CA12: variants seen among roughly 807,000 people sequenced by gnomAD.
CA12 encodes carbonate dehydratase XII.
CA12 carries 36 observed loss-of-function variants against 46.8 expected under a neutral mutation model. The ratio of observed to expected loss-of-function variants is 0.77; its 90% CI spans 0.59 to 1.02. The LOEUF (loss-of-function observed/expected upper bound fraction) is 1.02. CA12 is among the 50% of genes least tolerant of loss of function. The pLI is 0.00. For missense variants in CA12, 436 were observed against 451.4 expected (o/e 0.97, Z 0.31); for synonymous variants, 202 against 187.0 (o/e 1.08, Z -0.65).
At position 63,329,881 on chromosome 15, in the gene CA12, G is replaced by A. The variant is rs2038913112; in HGVS notation, c.875-1751C>T. The stretch of plus-strand genomic sequence containing the variant: ...CTAGCTGATTCCCCAGGAGCCATCA[G>A]CCGTGTGCTTTTCCGATTGTCTTTT... On this transcript the variant is annotated intron_variant, in intron 8 of 10. Coordinates refer to ENST00000178638, the MANE Select transcript of CA12 (RefSeq NM_001218.5). The surrounding 1 kb of genome is among the most constrained non-coding windows in gnomAD (Gnocchi z 4.8). Among the ~76,000 whole-genome samples the A allele has an allele frequency of 6.6e-6, 1 of 152,230 alleles. No homozygotes were observed. The highest frequency in any genetic ancestry group is 2.4e-5 in the African/African-American group (1 of 41,456).
chr15:63,340,419 T>C lies in CA12; in HGVS notation c.616A>G (p.Asn206Asp), dbSNP rs2039062956. Residue 206 changes from asparagine (N) to aspartate (D), a missense_variant, in exon 7 of 11, where the codon AAC becomes GAC. By Grantham distance (23) the Asn-to-Asp change is conservative. Coordinates refer to ENST00000178638, the MANE Select transcript of CA12 (RefSeq NM_001218.5). This position sits in a 1 kb window ranked among gnomAD's most constrained non-coding sequence, Gnocchi z 4.4. Reference sequence around the variant, plus strand: ...CTCTCCGGAAGCAGCTCTTCAATGTTGAATCCCGGGACGAATGCTTCCTGG... The same window carrying C: ...CTCTCCGGAAGCAGCTCTTCAATGTCGAATCCCGGGACGAATGCTTCCTGG... The part of the protein sequence containing the change: ...KGQEAFVPGF[N>D]IEELLPERTA... The C allele has an allele frequency of 1.2e-6, 2 of 1,614,020 alleles. No individual in the cohort carries two copies. Among genetic ancestry groups the C allele is most frequent in the African/African-American group, 2.7e-5 (2 of 74,888 alleles).
rs1043256 is a variant in CA12 at position 63,324,280 on chromosome 15, C to G, written c.*2005G>C. On this transcript the variant is annotated 3_prime_UTR_variant, in exon 11 of 11. Coordinates refer to ENST00000178638, the MANE Select transcript of CA12 (RefSeq NM_001218.5). Reference sequence around the variant, plus strand: ...CCCAGTAAGTCTCCCTTTTCATGAACAGCCCTTGTGCCAGGTACAATGGTC... The same window carrying G: ...CCCAGTAAGTCTCCCTTTTCATGAAGAGCCCTTGTGCCAGGTACAATGGTC... 0.41 allele frequency: 62,305 copies of G among 152,168 alleles called. 13,755 individuals carry two copies. Among genetic ancestry groups the G allele is most frequent in the Non-Finnish European group, 0.51 (34,509 of 68,030 alleles). 9.4% of individuals were successfully genotyped at this position (152,168 alleles called of 1,614,324 possible). A position where few individuals can be genotyped will look rare whatever the true frequency, so the allele number is the denominator to read the frequency against.
chr15:63,358,332 A>C (rs1390806043), intron 2 of CA12, among the ~76,000 whole-genome samples: 1 of 152,216 alleles, frequency 6.6e-6, no homozygotes, highest in Non-Finnish European at 1.5e-5. Flanking sequence ...CTTGAGTGAA[A>C]AGAGAAAACT....
chr15:63,364,222 T>C (rs1445061932), intron 2 of CA12, among the ~76,000 whole-genome samples: 1 of 148,028 alleles, frequency 6.8e-6, no homozygotes, highest in Non-Finnish European at 1.5e-5. Context: ...CTAGGTGCGA[T>C]GGCTCACAAT....
Position 63,340,860 on chromosome 15 carries a change from G to A in CA12, c.526-77C>T, listed in dbSNP as rs959035314. 1.6e-6 allele frequency: 2 copies of A among 1,289,852 alleles called. No homozygotes were observed. The highest frequency in any genetic ancestry group is 2.3e-6 in the Non-Finnish European group (2 of 887,644). The allele number at this position is 1,289,852 out of a possible 1,614,324, so 79.9% of individuals were successfully genotyped here. On this transcript the variant is annotated intron_variant, in intron 5 of 10. Coordinates refer to ENST00000178638, the MANE Select transcript of CA12 (RefSeq NM_001218.5). This position sits in a 1 kb window ranked among gnomAD's most constrained non-coding sequence, Gnocchi z 4.4. ...CCAGGATTGACGATTGCTATCAGAA[G>A]GGCAAAGCTGTGGGTATGTTGCCAC...
chr15:63,373,963 C>T lies in CA12; in HGVS notation c.106+1695G>A, dbSNP rs968176012. On this transcript the variant is annotated intron_variant, in intron 2 of 10. Coordinates refer to ENST00000178638, the MANE Select transcript of CA12 (RefSeq NM_001218.5). The surrounding 1 kb of genome is among the most constrained non-coding windows in gnomAD (Gnocchi z 4.9). ...AGTTCTCTTATCCTGGCCTGGCCTT[C>T]CCCCTCACTGCCACCACTGTAAACT... 1.3e-5 allele frequency among the ~76,000 whole-genome samples: 2 copies of T among 152,204 alleles called. No individual in the cohort carries two copies. The highest frequency in any genetic ancestry group is 1.9e-4 in the East Asian group (1 of 5,198).
chr15:63,352,652 C>A (rs1454020419), intron 2 of CA12, among the ~76,000 whole-genome samples: 1 of 152,108 alleles, frequency 6.6e-6, no homozygotes, highest in Non-Finnish European at 1.5e-5. Context: ...GGGCCGGCTA[C>A]CAACACGCAG....
chr15:63,331,431 G>T lies in CA12; in HGVS notation c.875-3301C>A, dbSNP rs555314584. On this transcript the variant is annotated intron_variant, in intron 8 of 10. Coordinates refer to ENST00000178638, the MANE Select transcript of CA12 (RefSeq NM_001218.5). This position sits in a 1 kb window ranked among gnomAD's most constrained non-coding sequence, Gnocchi z 5.3. ...TGGTTTGTTTCTGAATAGGAAAGAA[G>T]GGAGGCGATTCCCACGGAAGAACAA... Among the ~76,000 whole-genome samples, 26 of 152,334 alleles carry T rather than the reference G, an allele frequency of 1.7e-4. No homozygotes were observed. Among genetic ancestry groups the T allele is most frequent in the African/African-American group, 6.0e-4 (25 of 41,572 alleles).
At chr15:63,352,661 A>G (rs1366040421) in intron 2 of CA12, among the ~76,000 whole-genome samples, 2 of 152,198 alleles carry the variant, frequency 1.3e-5, no homozygotes, top group Admixed American at 1.3e-4. Context: ...ACCAACACGC[A>G]GTCAGATCAA....
intron 2 of CA12, among the ~76,000 whole-genome samples, chr15:63,360,860 C>A (rs924665322): frequency 6.6e-6 from 1 of 152,238 alleles, no homozygotes; most frequent in African/African-American, 2.4e-5. Context: ...TGTCTACCTC[C>A]CCCTCACCTA....
chr15:63,330,672 A>C lies in CA12; in HGVS notation c.875-2542T>G, dbSNP rs2038926678. Reference sequence around the variant, plus strand: ...AGCTGAGCAAAGTCTATGGAGAGCAAGGCCCCAGCAAGGGTGGGGCTTTTC... The same window carrying C: ...AGCTGAGCAAAGTCTATGGAGAGCACGGCCCCAGCAAGGGTGGGGCTTTTC... On this transcript the variant is annotated intron_variant, in intron 8 of 10. Transcript: ENST00000178638. The surrounding 1 kb of genome is among the most constrained non-coding windows in gnomAD (Gnocchi z 4.0). Among the ~76,000 whole-genome samples, 1 of 149,212 alleles carries C rather than the reference A, an allele frequency of 6.7e-6. No individual in the cohort carries two copies. The highest frequency in any genetic ancestry group is 1.5e-5 in the Non-Finnish European group (1 of 66,502).
intron 8 of CA12, among the ~76,000 whole-genome samples, chr15:63,335,818 GA>G (rs1315406863): frequency 6.6e-6 from 1 of 152,170 alleles, no homozygotes; most frequent in African/African-American, 2.4e-5. Flanking sequence ...CCGTAAACCT[GA>G]AACATCATGT....
At chr15:63,343,279 CTTTTTTTT>C (rs35290345) in intron 4 of CA12, among the ~76,000 whole-genome samples, 1 of 98,772 alleles carries the variant, frequency 1.0e-5, no homozygotes, top group South Asian at 3.7e-4. Flanking sequence ...TAGAAAGAAT[CTTTTTTTT>C]TTTTTTTTTT....
rs2039520129 is a variant in CA12 at position 63,372,514 on chromosome 15, A to C, written c.106+3144T>G. ...AAAAGTCCTACCATGTGTGCCAGAC[A>C]GTGGGAGGCCCCTGGAGAATGACTC... On this transcript the variant is annotated intron_variant, in intron 2 of 10. Coordinates refer to ENST00000178638, the MANE Select transcript of CA12 (RefSeq NM_001218.5). This position sits in a 1 kb window ranked among gnomAD's most constrained non-coding sequence, Gnocchi z 4.5. Among the ~76,000 whole-genome samples the C allele has an allele frequency of 6.6e-6, 1 of 152,254 alleles. No homozygotes were observed. The highest frequency in any genetic ancestry group is 2.4e-5 in the African/African-American group (1 of 41,466).
chr15:63,330,740 T>G lies in CA12; in HGVS notation c.875-2610A>C, dbSNP rs2038927798. Among the ~76,000 whole-genome samples the G allele has an allele frequency of 6.6e-6, 1 of 151,850 alleles. No homozygotes were observed. Among genetic ancestry groups the G allele is most frequent in the African/African-American group, 2.4e-5 (1 of 41,286 alleles). On this transcript the variant is annotated intron_variant, in intron 8 of 10. Coordinates refer to ENST00000178638, the MANE Select transcript of CA12 (RefSeq NM_001218.5). The surrounding 1 kb of genome is among the most constrained non-coding windows in gnomAD (Gnocchi z 4.0). Reference sequence around the variant, plus strand: ...CGTGGTGGCTTCTCTGGAGGGAGAGTCTGGCTTCCCCCGGTTATTACGCGG... The same window carrying G: ...CGTGGTGGCTTCTCTGGAGGGAGAGGCTGGCTTCCCCCGGTTATTACGCGG...
In CA12 at chr15:63,327,558, G is replaced by A. The variant is rs2038884308; in HGVS notation, c.908-325C>T. Among the ~76,000 whole-genome samples the A allele has an allele frequency of 6.6e-6, 1 of 151,362 alleles. No individual in the cohort carries two copies. Among genetic ancestry groups the A allele is most frequent in the South Asian group, 2.1e-4 (1 of 4,806 alleles). On this transcript the variant is annotated intron_variant, in intron 9 of 10. Coordinates refer to ENST00000178638, the MANE Select transcript of CA12 (RefSeq NM_001218.5). The surrounding 1 kb of genome is among the most constrained non-coding windows in gnomAD (Gnocchi z 4.5). ...ATTCAAAGTCAATCTGTTTGGTGCA[G>A]GGCCCGGGAATCTGCATTTTGCCAA...
At chr15:63,347,052 G>A (rs1368242689) in intron 2 of CA12, among the ~76,000 whole-genome samples, 1 of 152,226 alleles carries the variant, frequency 6.6e-6, no homozygotes, top group Admixed American at 6.5e-5. Flanking sequence ...TACCTATTAT[G>A]AGCCAGGAAT....
chr15:63,340,229 G>A lies in CA12; in HGVS notation c.747+59C>T. ...AAATCAAGTCATTGATTGTGATATG[G>A]AGGATGATGGGGACTGAGGTGCCGC... On this transcript the variant is annotated intron_variant, in intron 7 of 10. Transcript: ENST00000178638. The surrounding 1 kb of genome is among the most constrained non-coding windows in gnomAD (Gnocchi z 4.4). 1.9e-6 allele frequency: 3 copies of A among 1,574,280 alleles called. No homozygotes were observed. The highest frequency in any genetic ancestry group is 1.3e-5 in the African/African-American group (1 of 74,168).
intron 4 of CA12, among the ~76,000 whole-genome samples, chr15:63,344,044 G>A (rs921276062): frequency 6.6e-6 from 1 of 152,164 alleles, no homozygotes; most frequent in Non-Finnish European, 1.5e-5. Flanking sequence ...ATGGGTTCAG[G>A]ACAAAGGATA....
Sources: gnomAD v4.1 joint callset for allele counts (sites outside exome capture counted in the v4.1 genomes callset) on GRCh38, gnomAD v4.1.1 for gene constraint, Gnocchi (gnomAD v3.1) non-coding constraint, MANE v1.5 for transcripts, NCBI Gene and HGNC (gene_info 2026-07-23, HGNC 2026-07-21) for gene names.